The following WWOX variants were observed in gnomAD, a reference collection of about 807,000 sequenced individuals.
WWOX encodes WW domain containing oxidoreductase, also known as WW domain-containing oxidoreductase.
A neutral mutation model predicts 46.2 loss-of-function variants in WWOX; 69 were observed. The ratio of observed to expected loss-of-function variants is 1.49; its 90% CI spans 1.23 to 1.82. WWOX has a LOEUF of 1.82. Ranked by LOEUF, WWOX falls within the 40% of genes most tolerant of loss-of-function variation. The pLI is 0.00. For missense variants in WWOX, 919 were observed against 542.6 expected (o/e 1.69, Z -6.89); for synonymous variants, 359 against 202.6 (o/e 1.77, Z -6.56).
intron 6 of WWOX, among the ~76,000 whole-genome samples, chr16:78,393,930 GTTTA>G (rs1243099717): frequency 6.6e-6 from 1 of 151,944 alleles, no homozygotes; most frequent in Non-Finnish European, 1.5e-5. Flanking sequence ...TCTTTAACAA[GTTTA>G]TTTATTTTCA....
chr16:78,971,727 C>T (rs1189927107), intron 8 of WWOX, among the ~76,000 whole-genome samples: 3 of 151,290 alleles, frequency 2.0e-5, no homozygotes, highest in Non-Finnish European at 4.4e-5. Context: ...CACCCCGATC[C>T]CCACCCTCTG....
At chr16:78,650,896 T>C (rs551633279) in intron 8 of WWOX, among the ~76,000 whole-genome samples, 1 of 152,318 alleles carries the variant, frequency 6.6e-6, no homozygotes, top group South Asian at 2.1e-4. Context: ...CATCTTCCAT[T>C]GGAAATGGAA....
intron 5 of WWOX, among the ~76,000 whole-genome samples, chr16:78,267,944 A>C (rs765535564): frequency 5.3e-5 from 8 of 152,102 alleles, no homozygotes; most frequent in Non-Finnish European, 1.2e-4. Flanking sequence ...CAGCCTCCTG[A>C]GTAGCTGGGA....
intron 8 of WWOX, among the ~76,000 whole-genome samples, chr16:79,025,940 A>G (rs1219212605): frequency 1.3e-5 from 2 of 148,640 alleles, no homozygotes; most frequent in Non-Finnish European, 2.9e-5. Context: ...CTGGGATAAT[A>G]GGTGCCTATC....
intron 8 of WWOX, among the ~76,000 whole-genome samples, chr16:78,753,251 G>A (rs913516518): frequency 6.6e-6 from 1 of 151,798 alleles, no homozygotes; most frequent in Non-Finnish European, 1.5e-5. Flanking sequence ...AGTGAGCCGA[G>A]ATTACACCAC....
rs1168077268 is a variant in WWOX at position 78,816,993 on chromosome 16, A to C, written c.1056+384241A>C. ...TTGGGCCTGAGCTATTGCCCAAACC[A>C]GTCCTGACTTGGCTTGGGTTCTGAC... On this transcript the variant is annotated intron_variant, in intron 8 of 8. Coordinates refer to ENST00000566780, the MANE Select transcript of WWOX (RefSeq NM_016373.4). Among the ~76,000 whole-genome samples the C allele has an allele frequency of 2.0e-5, 3 of 152,214 alleles. No homozygotes were observed. The East Asian group carries it at 5.8e-4, about 29-fold the overall frequency.
At chr16:78,571,021 G>C in intron 8 of WWOX, among the ~76,000 whole-genome samples, 1 of 152,158 alleles carries the variant, frequency 6.6e-6, no homozygotes, top group East Asian at 1.9e-4. Flanking sequence ...CAGATGACTT[G>C]TTCATGTAAT....
chr16:78,348,337 G>C (rs2151904455), intron 5 of WWOX, among the ~76,000 whole-genome samples: 1 of 121,894 alleles, frequency 8.2e-6, no homozygotes, highest in East Asian at 1.9e-4. Context: ...CCAGGAAAGA[G>C]TGGCAAAGAA....
chr16:78,907,766 C>G (rs1280876751), intron 8 of WWOX, among the ~76,000 whole-genome samples: 2 of 152,102 alleles, frequency 1.3e-5, no homozygotes, highest in East Asian at 1.9e-4. Flanking sequence ...TGAGGAGATC[C>G]CATTTCAACA....
intron 8 of WWOX, among the ~76,000 whole-genome samples, chr16:79,159,327 A>C (rs984538123): frequency 1.5e-4 from 23 of 152,226 alleles, no homozygotes; most frequent in Admixed American, 6.5e-4. Context: ...AGCAGTGTTA[A>C]ATTTATTAAT....
At chr16:78,167,748 A>C (rs1354240971) in intron 5 of WWOX, 1 of 152,196 alleles carries the variant, frequency 6.6e-6, no homozygotes, top group Non-Finnish European at 1.5e-5. Context: ...CATACCCTGC[A>C]GAGAGGATGT....
intron 8 of WWOX, among the ~76,000 whole-genome samples, chr16:78,690,538 T>G (rs2047961378): frequency 6.6e-6 from 1 of 152,184 alleles, no homozygotes. Flanking sequence ...GGCGACAGAA[T>G]GAGACCCTGT....
At chr16:78,151,167 A>G (rs1202395616) in intron 4 of WWOX, among the ~76,000 whole-genome samples, 1 of 151,776 alleles carries the variant, frequency 6.6e-6, no homozygotes, top group African/African-American at 2.4e-5. Context: ...ATGAGACCCC[A>G]TGCCTGGCCA....
chr16:78,388,329 C>CTG (rs1201781865), intron 6 of WWOX, among the ~76,000 whole-genome samples: 2 of 152,188 alleles, frequency 1.3e-5, no homozygotes, highest in Non-Finnish European at 1.5e-5. Context: ...CTGCGCCCAG[C>CTG]CGCTCTACTT....
At position 78,348,951 on chromosome 16, in the gene WWOX, T is replaced by A. The variant is rs373939452; in HGVS notation, c.517-37909T>A. ...GCCCAGCAGAGGGGAAAAGAGGAAGTCTGAACGAGGGCCACATTGCAGATA... is the reference window on the plus strand; with the variant it reads ...GCCCAGCAGAGGGGAAAAGAGGAAGACTGAACGAGGGCCACATTGCAGATA... On this transcript the variant is annotated intron_variant, in intron 5 of 8. Transcript: ENST00000566780. Among the ~76,000 whole-genome samples the A allele has an allele frequency of 2.1e-3, 249 of 120,540 alleles. 53 individuals carry two copies. The highest frequency in any genetic ancestry group is 6.8e-3 in the African/African-American group (242 of 35,528). 79.1% of individuals were successfully genotyped at this position (120,540 alleles called of 152,430 possible). A position where few individuals can be genotyped will look rare whatever the true frequency, so the allele number is the denominator to read the frequency against.
chr16:78,548,169 A>G (rs28595363), intron 8 of WWOX, among the ~76,000 whole-genome samples: 3,421 of 73,588 alleles, frequency 0.046, 274 homozygotes, highest in African/African-American at 0.11. Context: ...AAAAAAAAAA[A>G]AAAAAAAAAT....
At chr16:78,900,309 A>G (rs1157678653) in intron 8 of WWOX, among the ~76,000 whole-genome samples, 1 of 152,120 alleles carries the variant, frequency 6.6e-6, no homozygotes, top group East Asian at 1.9e-4. Flanking sequence ...TACACTGAAC[A>G]TGTTGAAATC....
intron 8 of WWOX, among the ~76,000 whole-genome samples, chr16:78,515,942 T>C (rs1351192772): frequency 6.6e-6 from 1 of 152,162 alleles, no homozygotes; most frequent in Non-Finnish European, 1.5e-5. Context: ...TTCATTTGTC[T>C]CTCAGTCAAT....
intron 8 of WWOX, among the ~76,000 whole-genome samples, chr16:78,477,147 A>T (rs1271394671): frequency 6.6e-6 from 1 of 152,200 alleles, no homozygotes; most frequent in African/African-American, 2.4e-5. Context: ...CTTACAATCT[A>T]AATATTGCTT....
Sources: gnomAD v4.1 joint callset for allele counts (sites outside exome capture counted in the v4.1 genomes callset) on GRCh38, gnomAD v4.1.1 for gene constraint, MANE v1.5 for transcripts, NCBI Gene and HGNC (gene_info 2026-07-23, HGNC 2026-07-21) for gene names.